SNCAIP: variants seen among roughly 807,000 people sequenced by gnomAD.
SNCAIP encodes synphilin-1.
Under a neutral mutation model 86.7 loss-of-function variants are expected in SNCAIP, and 43 were observed. The ratio of observed to expected loss-of-function variants is 0.50; its 90% CI spans 0.39 to 0.64. SNCAIP has a LOEUF of 0.64. SNCAIP is among the 30% of genes least tolerant of loss of function. The probability of loss-of-function intolerance (pLI) is 0.00; values close to 1 mark genes in which losing one functional copy is unlikely to be tolerated. For missense variants in SNCAIP, 981 were observed against 1,103.1 expected, an observed-to-expected ratio of 0.89 and a Z score of 1.57; for synonymous variants, 417 against 427.2, an observed-to-expected ratio of 0.98 and a Z score of 0.29.
chr5:122,344,152 A>G (rs1758138078), intron 1 of SNCAIP, among the ~76,000 whole-genome samples: 1 of 152,126 alleles, frequency 6.6e-6, no homozygotes, highest in Non-Finnish European at 1.5e-5. Context: ...CTCCGCTAAA[A>G]TGTAAGCTTC....
Position 122,425,396 on chromosome 5 carries a change from T to C in SNCAIP, c.1047T>C (p.Asn349=). 1 of 1,613,954 alleles carries C rather than the reference T, an allele frequency of 6.2e-7. No homozygotes were observed. The highest frequency in any genetic ancestry group is 8.5e-7 in the Non-Finnish European group (1 of 1,179,940). ...ATCTAGACAAAATTCACGACGAAAA[T>C]GGAAACAATCTATTACATATTGCGG... ...ADNLDKIHDE[N]GNNLLHIAAS... The change falls in exon 5 of 11, where the codon AAT becomes AAC. Residue 349 remains asparagine, a synonymous_variant. Transcript: ENST00000261368.
intron 1 of SNCAIP, among the ~76,000 whole-genome samples, chr5:122,357,357 T>C (rs1259036570): frequency 2.0e-5 from 3 of 152,078 alleles, no homozygotes; most frequent in Admixed American, 1.3e-4. Flanking sequence ...TGCCTCAGCC[T>C]CCCGAGTAGC....
chr5:122,403,416 G>A (rs1415294003), intron 2 of SNCAIP, among the ~76,000 whole-genome samples: 1 of 152,144 alleles, frequency 6.6e-6, no homozygotes, highest in East Asian at 1.9e-4. Context: ...TCGTACACAA[G>A]CTCACCCTTA....
chr5:122,316,243 A>C (rs1273264540), intron 1 of SNCAIP, among the ~76,000 whole-genome samples: 2 of 152,228 alleles, frequency 1.3e-5, no homozygotes, highest in Non-Finnish European at 2.9e-5. Context: ...AAGGGAAGTC[A>C]GAACCACTAC....
chr5:122,415,824 T>C (rs1277385417), intron 3 of SNCAIP, among the ~76,000 whole-genome samples: 1 of 152,184 alleles, frequency 6.6e-6, no homozygotes, highest in Non-Finnish European at 1.5e-5. Context: ...TATCTCTCCC[T>C]ACATTTCCTC....
chr5:122,349,688 A>G (rs977752430), intron 1 of SNCAIP, among the ~76,000 whole-genome samples: 2 of 152,148 alleles, frequency 1.3e-5, no homozygotes, highest in African/African-American at 2.4e-5. Context: ...GAGGTTGAAG[A>G]TCTGGCAGGC....
chr5:122,344,228 A>C (rs1295149829), intron 1 of SNCAIP, among the ~76,000 whole-genome samples: 1 of 152,174 alleles, frequency 6.6e-6, no homozygotes, highest in Non-Finnish European at 1.5e-5. Flanking sequence ...CTGCCACATA[A>C]TTTGAATCCA....
intron 1 of SNCAIP, among the ~76,000 whole-genome samples, chr5:122,317,976 G>C (rs1032837627): frequency 6.6e-6 from 1 of 151,970 alleles, no homozygotes; most frequent in Middle Eastern, 3.4e-3. Context: ...ACCGCTGCCT[G>C]CTTGCTCTTT....
intron 1 of SNCAIP, among the ~76,000 whole-genome samples, chr5:122,348,824 G>A (rs1759184992): frequency 6.6e-6 from 1 of 152,086 alleles, no homozygotes; most frequent in Non-Finnish European, 1.5e-5. Flanking sequence ...ACGTTTTTGA[G>A]TATTTCTGCC....
At chr5:122,438,543 T>C (rs989651182) in intron 6 of SNCAIP, among the ~76,000 whole-genome samples, 1 of 152,242 alleles carries the variant, frequency 6.6e-6, no homozygotes, top group Non-Finnish European at 1.5e-5. Context: ...ATAGCTCATA[T>C]TTGTTTCAAT....
chr5:122,357,999 C>T (rs569750250), intron 1 of SNCAIP, among the ~76,000 whole-genome samples: 48 of 152,076 alleles, frequency 3.2e-4, no homozygotes, highest in African/African-American at 1.1e-3. Context: ...CTGTGGTGCT[C>T]AGTAAATAAG....
At chr5:122,390,271 G>A (rs1769067695) in intron 1 of SNCAIP, among the ~76,000 whole-genome samples, 1 of 152,182 alleles carries the variant, frequency 6.6e-6, no homozygotes. Context: ...GCTGTCAGGA[G>A]ATCTATATTT....
intron 10 of SNCAIP, among the ~76,000 whole-genome samples, chr5:122,457,918 A>G (rs990560456): frequency 6.6e-6 from 1 of 152,194 alleles, no homozygotes; most frequent in African/African-American, 2.4e-5. Flanking sequence ...AAAAATGTCC[A>G]TGTTATGAGA....
intron 1 of SNCAIP, among the ~76,000 whole-genome samples, chr5:122,361,089 C>G (rs1762113746): frequency 6.7e-6 from 1 of 149,160 alleles, no homozygotes; most frequent in Non-Finnish European, 1.5e-5. Flanking sequence ...GCAATCAGTT[C>G]TTTCAGCAAA....
At chr5:122,330,596 T>C (rs1235225251) in intron 1 of SNCAIP, among the ~76,000 whole-genome samples, 1 of 152,192 alleles carries the variant, frequency 6.6e-6, no homozygotes, top group African/African-American at 2.4e-5. Context: ...ATTGTGAGGG[T>C]ACAGTCTAAG....
chr5:122,450,235 A>G (rs943912711), intron 9 of SNCAIP, among the ~76,000 whole-genome samples: 1 of 152,158 alleles, frequency 6.6e-6, no homozygotes. Context: ...AGATATATAT[A>G]TATAGCTTGA....
At chr5:122,312,173 T>G (rs1314849763), upstream of SNCAIP, 1 of 151,044 alleles carries the variant, frequency 6.6e-6, no homozygotes, top group Non-Finnish European at 1.5e-5. Context: ...CGGCAGCGCC[T>G]CCACCGCCCG....
chr5:122,401,129 A>G (rs1488088775), intron 2 of SNCAIP: 1 of 1,549,136 alleles, frequency 6.5e-7, no homozygotes. Context: ...AGAATGAGGT[A>G]TGTTGGCGAA....
chr5:122,363,252 T>C (rs1256403247), intron 1 of SNCAIP, among the ~76,000 whole-genome samples: 2 of 152,162 alleles, frequency 1.3e-5, no homozygotes, highest in Admixed American at 6.5e-5. Flanking sequence ...TGCCTCGGTC[T>C]CCCAAAGTGC....
Sources: gnomAD v4.1 joint callset for allele counts (sites outside exome capture counted in the v4.1 genomes callset) on GRCh38, gnomAD v4.1.1 for gene constraint, MANE v1.5 for transcripts, NCBI Gene and HGNC (gene_info 2026-07-23, HGNC 2026-07-21) for gene names.